PDZD8: variants seen among roughly 807,000 people sequenced by gnomAD.
The protein encoded by PDZD8 is PDZ domain containing 8.
PDZD8 carries 14 observed loss-of-function variants against 85.8 expected under a neutral mutation model. The ratio of observed to expected loss-of-function variants is 0.16; its 90% CI spans 0.11 to 0.26. PDZD8 has a LOEUF of 0.26. PDZD8 is among the 10% of genes least tolerant of loss of function. PDZD8 has a pLI of 1.00. For synonymous variants in PDZD8, 592 were observed against 568.6 expected, an observed-to-expected ratio of 1.04 and a Z score of -0.59; for missense variants, 1,197 against 1,424.3, an observed-to-expected ratio of 0.84 and a Z score of 2.57.
intron 3 of PDZD8, among the ~76,000 whole-genome samples, chr10:117,291,546 T>A (rs564073427): frequency 9.3e-5 from 14 of 150,386 alleles, no homozygotes; most frequent in Non-Finnish European, 1.9e-4. Context: ...AAAAAAGAGT[T>A]ATCATGTGGT....
chr10:117,278,931 G>A lies in PDZD8; in HGVS notation c.*4337C>T, dbSNP rs966619054. The A allele has an allele frequency of 1.3e-5, 2 of 152,180 alleles. No individual in the cohort carries two copies. Among genetic ancestry groups the A allele is most frequent in the Non-Finnish European group, 2.9e-5 (2 of 68,044 alleles). 9.4% of individuals were successfully genotyped at this position (152,180 alleles called of 1,614,324 possible). ...GCAGGCTAGTTTCTTACTTCTACAG[G>A]GGTAGAGCCTTAAAAAAGAACGTGC... On this transcript the variant is annotated 3_prime_UTR_variant, in exon 5 of 5. Transcript: ENST00000334464.
chr10:117,286,366 T>C (rs1844664072), intron 4 of PDZD8, among the ~76,000 whole-genome samples: 1 of 152,202 alleles, frequency 6.6e-6, no homozygotes, highest in Non-Finnish European at 1.5e-5. Flanking sequence ...AAACAGCACT[T>C]GCCCAAGCTA....
intron 2 of PDZD8, among the ~76,000 whole-genome samples, chr10:117,337,531 C>T (rs972112406): frequency 2.6e-5 from 4 of 152,240 alleles, no homozygotes; most frequent in East Asian, 1.9e-4. Context: ...TTGGGAAATG[C>T]GAAACAGTAT....
At chr10:117,314,891 T>C (rs1016456002) in intron 3 of PDZD8, among the ~76,000 whole-genome samples, 2 of 152,218 alleles carry the variant, frequency 1.3e-5, no homozygotes, top group Non-Finnish European at 2.9e-5. Flanking sequence ...TGAAAGGCAA[T>C]TGCTGTCAAG....
rs971085472 is a variant in PDZD8 at position 117,374,010 on chromosome 10, C to T, written c.872+346G>A. ...GCGGCTGCCCTCAATGCAGCAACCA[C>T]ATAGAGGGAGAGTTTCTCAACAGTC... On this transcript the variant is annotated intron_variant, in intron 1 of 4. Transcript: ENST00000334464. The surrounding 1 kb of genome is among the most constrained non-coding windows in gnomAD (Gnocchi z 7.8). 2.0e-5 allele frequency among the ~76,000 whole-genome samples: 3 copies of T among 152,072 alleles called. No individual in the cohort carries two copies. The highest frequency in any genetic ancestry group is 7.2e-5 in the African/African-American group (3 of 41,414).
At position 117,283,397 on chromosome 10, in the gene PDZD8, G is replaced by A. The variant is rs1844600819; in HGVS notation, c.3336C>T (p.His1112=). 1.9e-6 allele frequency: 3 copies of A among 1,613,946 alleles called. No individual in the cohort carries two copies. Among genetic ancestry groups the A allele is most frequent in the Non-Finnish European group, 2.5e-6 (3 of 1,179,946 alleles). Residue 1112 remains histidine, a synonymous_variant, in exon 5 of 5, where the codon CAC becomes CAT. Transcript: ENST00000334464. ...CTGTGTACTTGCTTATTTTTTTGGA[G>A]TGCTGGTCTAAAGACAGACTTTCTA... ...ETLESLSLDQ[H]SKKISKYTDD...
chr10:117,365,007 G>C (rs777003050), intron 1 of PDZD8, among the ~76,000 whole-genome samples: 7 of 152,040 alleles, frequency 4.6e-5, no homozygotes, highest in Non-Finnish European at 7.4e-5. Flanking sequence ...ATGTATGCTT[G>C]AGCATACAGT....
intron 2 of PDZD8, among the ~76,000 whole-genome samples, chr10:117,322,608 C>G (rs1309584063): frequency 6.6e-6 from 1 of 152,108 alleles, no homozygotes; most frequent in Non-Finnish European, 1.5e-5. Flanking sequence ...TATGTTGGTT[C>G]TACATTCTTC....
chr10:117,307,262 G>A (rs546817756), intron 3 of PDZD8, among the ~76,000 whole-genome samples: 1 of 151,956 alleles, frequency 6.6e-6, no homozygotes, highest in African/African-American at 2.4e-5. Context: ...TTAAATGGGG[G>A]AAAATTGCCC....
chr10:117,303,201 G>C (rs1395849995), intron 3 of PDZD8, among the ~76,000 whole-genome samples: 1 of 152,200 alleles, frequency 6.6e-6, no homozygotes, highest in African/African-American at 2.4e-5. Context: ...GGACAATAAG[G>C]TCCAGGCTGA....
chr10:117,357,822 G>A (rs796179910), intron 1 of PDZD8, among the ~76,000 whole-genome samples: 7 of 104,060 alleles, frequency 6.7e-5, no homozygotes, highest in South Asian at 7.1e-4. Context: ...AAAAAAAAAA[G>A]GCCTACACGA....
At position 117,374,457 on chromosome 10, in the gene PDZD8, G is replaced by C. The variant is rs3814230; in HGVS notation, c.771C>G (p.Ser257=). Reference sequence around the variant, plus strand: ...GGGGCATGGGCCGCCCTTCAAACTGGGAGCGCACCTCGAAGTCGATCAGCG... The same window carrying C: ...GGGGCATGGGCCGCCCTTCAAACTGCGAGCGCACCTCGAAGTCGATCAGCG... ...EDPLIDFEVR[S]QFEGRPMPQL... is the part of the protein sequence containing the mutation. The change falls in exon 1 of 5, where the codon TCC becomes TCG. Residue 257 remains serine, a synonymous_variant. Coordinates refer to ENST00000334464, the MANE Select transcript of PDZD8 (RefSeq NM_173791.5). The surrounding 1 kb of genome is among the most constrained non-coding windows in gnomAD (Gnocchi z 7.8). 287,840 of 1,613,806 alleles carry C rather than the reference G, an allele frequency of 0.18. 29,599 individuals are homozygous for C. Among genetic ancestry groups the C allele is most frequent in the East Asian group, 0.43 (19,096 of 44,832 alleles).
chr10:117,298,326 C>T (rs898175871), intron 3 of PDZD8, among the ~76,000 whole-genome samples: 1 of 152,138 alleles, frequency 6.6e-6, no homozygotes, highest in Non-Finnish European at 1.5e-5. Context: ...CCCTTTACCC[C>T]ATCCCCACAC....
At chr10:117,317,518 T>G (rs1386769824) in intron 3 of PDZD8, among the ~76,000 whole-genome samples, 1 of 152,174 alleles carries the variant, frequency 6.6e-6, no homozygotes, top group East Asian at 1.9e-4. Context: ...ATGACAAGAT[T>G]AAAGTCTTAC....
chr10:117,297,423 T>G (rs1232615718), intron 3 of PDZD8, among the ~76,000 whole-genome samples: 3 of 152,060 alleles, frequency 2.0e-5, no homozygotes, highest in Admixed American at 2.0e-4. Flanking sequence ...CAAAGAGAAA[T>G]GAAAACATGG....
intron 3 of PDZD8, among the ~76,000 whole-genome samples, chr10:117,298,911 C>T (rs73394944): frequency 0.022 from 3,342 of 152,060 alleles, 128 homozygotes; most frequent in African/African-American, 0.076. Flanking sequence ...GGTTCCAGGA[C>T]CCCACTCGAG....
rs1844568797 is a variant in PDZD8, at chr10:117,281,048, ATTC to A, written c.*2217_*2219del. ...AGCTTTCAGGGAATTTGGTGTGTAAATTCTTCTATAGCAGTGTTCTTTTAAAAT... is the reference window on the plus strand; with the variant it reads ...AGCTTTCAGGGAATTTGGTGTGTAAATTCTATAGCAGTGTTCTTTTAAAAT... On this transcript the variant is annotated 3_prime_UTR_variant, in exon 5 of 5. Transcript: ENST00000334464. 6.6e-6 allele frequency: 1 copy of A among 152,140 alleles called. No individual in the cohort carries two copies. Among genetic ancestry groups the A allele is most frequent in the Non-Finnish European group, 1.5e-5 (1 of 68,032 alleles). The allele number at this position is 152,140 out of a possible 1,614,324, so 9.4% of individuals were successfully genotyped here.
intron 1 of PDZD8, among the ~76,000 whole-genome samples, chr10:117,367,422 A>AAACAAACC (rs1845109455): frequency 6.6e-6 from 1 of 152,018 alleles, no homozygotes; most frequent in Non-Finnish European, 1.5e-5. Flanking sequence ...ACAAACAAAC[A>AAACAAACC]AACAAACAAA....
intron 3 of PDZD8, among the ~76,000 whole-genome samples, chr10:117,298,174 T>C (rs1843787159): frequency 6.6e-6 from 1 of 152,074 alleles, no homozygotes; most frequent in Non-Finnish European, 1.5e-5. Flanking sequence ...AAGAACAGCG[T>C]GTCTGAAAGA....
Sources: allele counts gnomAD v4.1 joint callset (sites outside exome capture counted in the v4.1 genomes callset), GRCh38; gene constraint gnomAD v4.1.1; non-coding constraint Gnocchi (gnomAD v3.1); transcripts MANE v1.5; gene names NCBI Gene and HGNC (gene_info 2026-07-23, HGNC 2026-07-21).